Variants in CLIP4 observed in about 807,000 individuals in gnomAD.
The protein encoded by CLIP4 is CAP-Gly domain containing linker protein family member 4.
A neutral mutation model predicts 73.1 loss-of-function variants in CLIP4; 47 were observed. The observed-to-expected ratio is 0.64, with a 90% CI of 0.51 to 0.82. The LOEUF (loss-of-function observed/expected upper bound fraction) is 0.82. CLIP4 is among the 40% of genes least tolerant of loss of function. CLIP4 has a pLI of 0.00. For missense variants in CLIP4, 874 were observed against 852.9 expected (o/e 1.02, Z -0.31); for synonymous variants, 306 against 295.4 (o/e 1.04, Z -0.37).
In CLIP4 at chr2:29,157,382, G is replaced by GT. The variant is rs545168401; in HGVS notation, c.1399+41dup. 1.5e-3 allele frequency: 2,371 copies of GT among 1,613,736 alleles called. 6 individuals are homozygous for GT. The highest frequency in any genetic ancestry group is 2.1e-3 in the South Asian group (193 of 91,064). On this transcript the variant is annotated intron_variant, in intron 11 of 15. Coordinates refer to ENST00000320081, the MANE Select transcript of CLIP4 (RefSeq NM_024692.6). ...GCTTTTTCAACCAGGCTTTCTTGGT[G>GT]TTTTTTATCTTGGTTTGTTTGTAAG...
intron 1 of CLIP4, among the ~76,000 whole-genome samples, chr2:29,118,517 ATTTT>A (rs34856696): frequency 7.2e-6 from 1 of 138,938 alleles, no homozygotes; most frequent in Non-Finnish European, 1.6e-5. Context: ...ATTAGTGCCA[ATTTT>A]TTTTTTTTTT....
intron 6 of CLIP4, 123 bp from the exon 7 acceptor site, chr2:29,143,586 A>T (rs1665934717): frequency 1.4e-6 from 1 of 715,768 alleles, no homozygotes. Flanking sequence ...GGCGTTCAGG[A>T]AATGTTTTTG....
chr2:29,154,413 AG>A (rs1480436572), intron 9 of CLIP4, among the ~76,000 whole-genome samples: 3 of 152,144 alleles, frequency 2.0e-5, no homozygotes, highest in Admixed American at 6.6e-5. Flanking sequence ...GTGAATGGGC[AG>A]GCACCCGAAA....
rs376334085 is a variant in CLIP4 at position 29,140,715 on chromosome 2, G to A, written c.649-2994G>A. The stretch of plus-strand genomic sequence containing the variant: ...CCACCAACAGTGTAAAAGTGTTCCT[G>A]TTTCTCCACATCCTCTCCAGCACCT... On this transcript the variant is annotated intron_variant, in intron 6 of 15. Coordinates refer to ENST00000320081, the MANE Select transcript of CLIP4 (RefSeq NM_024692.6). Among the ~76,000 whole-genome samples, 534 of 152,124 alleles carry A rather than the reference G, an allele frequency of 3.5e-3. 3 individuals are homozygous for A. The highest frequency in any genetic ancestry group is 0.011 in the African/African-American group (451 of 41,482).
chr2:29,130,757 A>T, intron 2 of CLIP4: 1 of 1,266,800 alleles, frequency 7.9e-7, no homozygotes, highest in Non-Finnish European at 1.0e-6. Flanking sequence ...AGTTATGCTG[A>T]CTCTAGAAGT....
chr2:29,139,871 ATCTT>A (rs75762154), intron 6 of CLIP4, among the ~76,000 whole-genome samples: 25,653 of 151,436 alleles, frequency 0.17, 2,437 homozygotes, highest in Middle Eastern at 0.25. Flanking sequence ...GCTTATTTGG[ATCTT>A]TCTTTTTTCT....
In CLIP4 at chr2:29,121,686, C is replaced by CT. The variant is rs562550225; in HGVS notation, c.133+167dup. On this transcript the variant is annotated intron_variant, in intron 2 of 15. Coordinates refer to ENST00000320081, the MANE Select transcript of CLIP4 (RefSeq NM_024692.6). ...CAATTGCTTATTGCTTTTTCTGCTT[C>CT]TTAAGCTAAATGCTTTATTTCTGCT... 1.9e-4 allele frequency among the ~76,000 whole-genome samples: 29 copies of CT among 152,172 alleles called. No individual in the cohort carries two copies. In the South Asian group the frequency reaches 5.8e-3, roughly 30 times the overall value.
rs999897515 is a variant in CLIP4, at chr2:29,131,140, T to G, written c.134-118T>G. On this transcript the variant is annotated intron_variant, in intron 2 of 15. Coordinates refer to ENST00000320081, the MANE Select transcript of CLIP4 (RefSeq NM_024692.6). ...ATTTTCCTTATTTAGATACTTCTGATTTTTTTTTAGCATCTAAAATATTTG... is the reference window on the plus strand; with the variant it reads ...ATTTTCCTTATTTAGATACTTCTGAGTTTTTTTTAGCATCTAAAATATTTG... The G allele has an allele frequency of 1.8e-5, 15 of 855,270 alleles. No individual in the cohort carries two copies. The African/African-American group carries it at 2.5e-4, about 14-fold the overall frequency. The allele number at this position is 855,270 out of a possible 1,614,324, so 53.0% of individuals were successfully genotyped here.
At chr2:29,125,877 T>A (rs936089966) in intron 2 of CLIP4, among the ~76,000 whole-genome samples, 1 of 152,136 alleles carries the variant, frequency 6.6e-6, no homozygotes, top group African/African-American at 2.4e-5. Flanking sequence ...TTCTTTTGAT[T>A]AAAAGCTATT....
At chr2:29,156,173 C>T (rs567479089) in intron 9 of CLIP4, among the ~76,000 whole-genome samples, 181 bp from the exon 10 acceptor site, 1 of 152,314 alleles carries the variant, frequency 6.6e-6, no homozygotes, top group South Asian at 2.1e-4. Flanking sequence ...CTGTTACTGT[C>T]TCCTTCTCGT....
intron 1 of CLIP4, among the ~76,000 whole-genome samples, chr2:29,109,554 T>C (rs913189099): frequency 5.3e-5 from 8 of 152,148 alleles, no homozygotes; most frequent in African/African-American, 1.9e-4. Flanking sequence ...CCATATAATA[T>C]ATTATTGTTA....
chr2:29,106,323 G>A (rs983689195), intron 1 of CLIP4, among the ~76,000 whole-genome samples: 2 of 152,046 alleles, frequency 1.3e-5, no homozygotes, highest in Non-Finnish European at 2.9e-5. Flanking sequence ...CCCTTCTCAC[G>A]TAGCTCAAAA....
Position 29,145,212 on chromosome 2 carries a change from C to T in CLIP4, c.886-20C>T. 2 of 1,602,832 alleles carry T rather than the reference C, an allele frequency of 1.2e-6. No homozygotes were observed. Among genetic ancestry groups the T allele is most frequent in the Non-Finnish European group, 1.7e-6 (2 of 1,174,472 alleles). On this transcript the variant is annotated intron_variant, in intron 7 of 15. Coordinates refer to ENST00000320081, the MANE Select transcript of CLIP4 (RefSeq NM_024692.6). ...TTACTAATAATTCCCCAAAATTATT[C>T]TGGTTTATATTTTCTTTAGGTTGGT...
intron 13 of CLIP4, among the ~76,000 whole-genome samples, chr2:29,166,967 A>C (rs1177710676): frequency 6.6e-6 from 1 of 152,222 alleles, no homozygotes; most frequent in Non-Finnish European, 1.5e-5. Context: ...CAAAAAATGC[A>C]GGAAAATCCA....
chr2:29,144,000 G>A, intron 7 of CLIP4, 55 bp downstream of exon 7: 1 of 1,432,480 alleles, frequency 7.0e-7, no homozygotes, highest in Non-Finnish European at 9.6e-7. Flanking sequence ...CATGACCTAT[G>A]TTCAAGGACA....
intron 13 of CLIP4, among the ~76,000 whole-genome samples, chr2:29,164,222 G>C (rs927066632): frequency 6.6e-6 from 1 of 152,198 alleles, no homozygotes; most frequent in Non-Finnish European, 1.5e-5. Flanking sequence ...TTGCAGCTAA[G>C]TACAGTGAGA....
intron 12 of CLIP4, among the ~76,000 whole-genome samples, chr2:29,162,263 G>A (rs910273173): frequency 2.0e-5 from 3 of 152,154 alleles, no homozygotes; most frequent in African/African-American, 7.2e-5. Context: ...ATAATAAAAA[G>A]TGGAAACTTT....
chr2:29,125,178 C>T (rs1220308453), intron 2 of CLIP4, among the ~76,000 whole-genome samples: 1 of 152,152 alleles, frequency 6.6e-6, no homozygotes, highest in African/African-American at 2.4e-5. Context: ...CCCTGAACCC[C>T]CTGGCTACGG....
At chr2:29,140,494 G>C (rs1223140916) in intron 6 of CLIP4, among the ~76,000 whole-genome samples, 1 of 152,154 alleles carries the variant, frequency 6.6e-6, no homozygotes, top group African/African-American at 2.4e-5. Context: ...AGACATTTGG[G>C]TTGGTTCCAA....
Sources: gnomAD v4.1 joint callset for allele counts (sites outside exome capture counted in the v4.1 genomes callset) on GRCh38, gnomAD v4.1.1 for gene constraint, MANE v1.5 for transcripts, NCBI Gene and HGNC (gene_info 2026-07-23, HGNC 2026-07-21) for gene names.